The following USP47 variants were observed in gnomAD, a reference collection of about 807,000 sequenced individuals.
The protein encoded by USP47 is ubiquitin carboxyl-terminal hydrolase 47.
A neutral mutation model predicts 165.1 loss-of-function variants in USP47; 35 were observed. That is an observed-to-expected ratio of 0.21 (90% CI 0.16 to 0.28). The LOEUF (loss-of-function observed/expected upper bound fraction) is 0.28. USP47 is among the 10% of genes least tolerant of loss of function. USP47 has a pLI of 1.00. For missense variants in USP47, 1,277 were observed against 1,607.4 expected (o/e 0.79, Z 3.52); for synonymous variants, 531 against 544.5 (o/e 0.98, Z 0.35).
At chr11:11,925,827 G>A (rs763397582) in intron 11 of USP47, among the ~76,000 whole-genome samples, 18 of 152,022 alleles carry the variant, frequency 1.2e-4, no homozygotes, top group Non-Finnish European at 2.1e-4. Flanking sequence ...CCCAATCTTA[G>A]AGGGAAAGCT....
intron 1 of USP47, among the ~76,000 whole-genome samples, chr11:11,849,869 T>C (rs1017618851): frequency 1.3e-5 from 2 of 152,208 alleles, no homozygotes; most frequent in African/African-American, 4.8e-5. Context: ...TCTCCCCTCT[T>C]GTTTTATGGA....
rs1034390451 is a variant in USP47, at chr11:11,956,421, A to G, written c.*246A>G. ...AGGGATGTGCAAAAAAATAAAAAAA[A>G]ACAACAAAAAAAGCTAACCTTCTAT... On this transcript the variant is annotated 3_prime_UTR_variant, in exon 28 of 28. Coordinates refer to ENST00000527733, the MANE Select transcript of USP47 (RefSeq NM_001282659.2). 1 of 332,454 alleles carries G rather than the reference A, an allele frequency of 3.0e-6. No homozygotes were observed. The highest frequency in any genetic ancestry group is 5.4e-6 in the Non-Finnish European group (1 of 184,134). The allele number at this position is 332,454 out of a possible 1,614,324, so 20.6% of individuals were successfully genotyped here.
chr11:11,919,219 A>C (rs903601653), intron 8 of USP47, among the ~76,000 whole-genome samples: 1 of 152,004 alleles, frequency 6.6e-6, no homozygotes, highest in African/African-American at 2.4e-5. Flanking sequence ...AACTACGACC[A>C]TTAAGCTCCT....
At chr11:11,901,958 CAAAAA>C (rs34053426) in intron 5 of USP47, among the ~76,000 whole-genome samples, 1 of 66,762 alleles carries the variant, frequency 1.5e-5, no homozygotes, top group Non-Finnish European at 3.1e-5. Flanking sequence ...GACTCTGTCT[CAAAAA>C]AAAAAAAAAA....
chr11:11,926,054 A>T (rs189922718), intron 11 of USP47, among the ~76,000 whole-genome samples: 3 of 152,186 alleles, frequency 2.0e-5, no homozygotes, highest in Admixed American at 2.0e-4. Flanking sequence ...CTTAGTCATG[A>T]TGTATAGTCC....
chr11:11,869,372 A>T (rs1191373400), intron 1 of USP47, among the ~76,000 whole-genome samples: 2 of 152,216 alleles, frequency 1.3e-5, no homozygotes, highest in African/African-American at 4.8e-5. Context: ...ATTTTTGGAA[A>T]GACTATTTTT....
chr11:11,871,364 A>G (rs911729863), intron 1 of USP47, among the ~76,000 whole-genome samples: 2 of 151,704 alleles, frequency 1.3e-5, no homozygotes, highest in African/African-American at 4.8e-5. Flanking sequence ...TTAGCTGGGC[A>G]TGGTGGTGCA....
intron 1 of USP47, among the ~76,000 whole-genome samples, chr11:11,843,740 T>C (rs1178816358): frequency 1.3e-5 from 2 of 152,202 alleles, no homozygotes; most frequent in Non-Finnish European, 2.9e-5. Context: ...AATAACTTGA[T>C]TTATAGAAAA....
chr11:11,946,049 T>C (rs1590446653), intron 20 of USP47, among the ~76,000 whole-genome samples: 1 of 151,990 alleles, frequency 6.6e-6, no homozygotes, highest in South Asian at 2.1e-4. Flanking sequence ...TGTGAAGACA[T>C]AGACTCTTCA....
In USP47 at chr11:11,956,346, T is replaced by C. The variant is rs1217727365; in HGVS notation, c.*171T>C. 5.4e-6 allele frequency: 3 copies of C among 553,454 alleles called. No individual in the cohort carries two copies. The South Asian group carries it at 8.8e-5, about 16-fold the overall frequency. The allele number at this position is 553,454 out of a possible 1,614,324, so 34.3% of individuals were successfully genotyped here. ...CTCAGTGCCCAATGGGCCACTGTTT[T>C]GACTCGGAATCATGTTGTGCACTAT... On this transcript the variant is annotated 3_prime_UTR_variant, in exon 28 of 28. Transcript: ENST00000527733.
At chr11:11,871,175 C>G (rs1191195930) in intron 1 of USP47, among the ~76,000 whole-genome samples, 1 of 152,026 alleles carries the variant, frequency 6.6e-6, no homozygotes, top group East Asian at 1.9e-4. Context: ...GTACCCTTAT[C>G]TGATGCCCTG....
chr11:11,903,231 G>C (rs1011493457), intron 6 of USP47, 32 bp from the exon 7 acceptor site: 19 of 1,587,232 alleles, frequency 1.2e-5, no homozygotes, highest in Non-Finnish European at 1.5e-5. Context: ...AAAGTTTATA[G>C]CTATTTCTAA....
At chr11:11,929,322 T>C (rs535810614) in intron 11 of USP47, 112 bp from the exon 12 acceptor site, 12 of 1,437,836 alleles carry the variant, frequency 8.3e-6, no homozygotes, top group East Asian at 7.0e-5. Context: ...ACCTGTAATA[T>C]ATAGGACAAC....
rs779478872 is a variant in USP47, at chr11:11,950,456, G to T, written c.3557G>T (p.Trp1186Leu). The change falls in exon 24 of 28, where the codon TGG becomes TTG. Residue 1186 changes from tryptophan to leucine, a missense_variant. Physicochemically the swap from Trp to Leu is moderately conservative, Grantham distance 61. Transcript: ENST00000527733. ...GAAGATATTAATATTTCCAGCAACT[G>T]GGAGGTTTTCCTTGAAGTTCTTGAT... ...YEEDINISSN[W>L]EVFLEVLDGV... 5 of 1,605,216 alleles carry T rather than the reference G, an allele frequency of 3.1e-6. No homozygotes were observed. Among genetic ancestry groups the T allele is most frequent in the Non-Finnish European group, 4.2e-6 (5 of 1,176,966 alleles).
At chr11:11,884,619 G>A (rs768312559) in intron 3 of USP47, 39 bp downstream of exon 3, 1 of 1,447,988 alleles carries the variant, frequency 6.9e-7, no homozygotes, top group Non-Finnish European at 9.5e-7. Context: ...TAATTTTTGT[G>A]CACTGTCACC....
At chr11:11,886,744 C>T (rs895067459) in intron 3 of USP47, among the ~76,000 whole-genome samples, 1 of 152,044 alleles carries the variant, frequency 6.6e-6, no homozygotes, top group African/African-American at 2.4e-5. Flanking sequence ...ATGCAGAGAA[C>T]CCCAGTAAGA....
chr11:11,956,072 G>A lies in USP47; in HGVS notation c.3965G>A (p.Arg1322Gln). 4 of 1,605,234 alleles carry A rather than the reference G, an allele frequency of 2.5e-6. No individual in the cohort carries two copies. Among genetic ancestry groups the A allele is most frequent in the South Asian group, 1.1e-5 (1 of 89,020 alleles). Reference sequence around the variant, plus strand: ...GAACTGATGAAAAAAGAAAGCAGTCGACTCCAGAAGACTGGACATCGTGTA... The same window carrying A: ...GAACTGATGAAAAAAGAAAGCAGTCAACTCCAGAAGACTGGACATCGTGTA... ...RNELMKKESS[R>Q]LQKTGHRVTY... The change falls in exon 28 of 28, where the codon CGA becomes CAA. Residue 1322 changes from arginine (R) to glutamine (Q), a missense_variant. Coordinates refer to ENST00000527733, the MANE Select transcript of USP47 (RefSeq NM_001282659.2).
In USP47 at chr11:11,936,371, T is replaced by G; in HGVS notation, c.1938T>G (p.Asp646Glu). The G allele has an allele frequency of 6.2e-7, 1 of 1,609,558 alleles. No individual in the cohort carries two copies. The highest frequency in any genetic ancestry group is 8.5e-7 in the Non-Finnish European group (1 of 1,177,080). The change falls in exon 17 of 28, where the codon GAT becomes GAG. Residue 646 changes from aspartate to glutamate, a missense_variant. Physicochemically the swap from Asp to Glu is conservative, Grantham distance 45 (BLOSUM62 2). Coordinates refer to ENST00000527733, the MANE Select transcript of USP47 (RefSeq NM_001282659.2). ...TTGTTAAATATGATGAGTTTCATGA[T>G]TATCTAGAACGGTCATATGAAGGAG... ...CRLVKYDEFHDYLERSYEGEE... is the reference protein window; with the variant it reads ...CRLVKYDEFHEYLERSYEGEE...
At chr11:11,857,876 T>G (rs1228553109) in intron 1 of USP47, among the ~76,000 whole-genome samples, 1 of 152,156 alleles carries the variant, frequency 6.6e-6, no homozygotes, top group Non-Finnish European at 1.5e-5. Flanking sequence ...GGCCAAATCT[T>G]CATTTGCATA....
Sources: gnomAD v4.1 joint callset for allele counts (sites outside exome capture counted in the v4.1 genomes callset) on GRCh38, gnomAD v4.1.1 for gene constraint, MANE v1.5 for transcripts, NCBI Gene and HGNC (gene_info 2026-07-23, HGNC 2026-07-21) for gene names.